MYO7A: variants seen among roughly 807,000 people sequenced by gnomAD.
MYO7A encodes myosin VIIA.
MYO7A carries 210 observed loss-of-function variants against 263.8 expected under a neutral mutation model. That is an observed-to-expected ratio of 0.80 (90% CI 0.71 to 0.89). The LOEUF (loss-of-function observed/expected upper bound fraction) is 0.89. Among genes scored for constraint, MYO7A ranks in the 40% least tolerant of loss-of-function variants. The pLI is 0.00. For synonymous variants in MYO7A, 1,239 were observed against 1,197.3 expected, an observed-to-expected ratio of 1.03 and a Z score of -0.72; for missense variants, 2,820 against 2,968.3, an observed-to-expected ratio of 0.95 and a Z score of 1.16.
rs369125667 is a variant in MYO7A at position 77,142,767 on chromosome 11, C to T, written c.77C>T (p.Ala26Val). Residue 26 changes from alanine (A) to valine (V), a missense_variant, in exon 3 of 49, where the codon GCG (alanine) becomes GTG (valine). Physicochemically the swap from Ala to Val is moderately conservative, Grantham distance 64. Transcript: ENST00000409709. ...CAGGAGTTCGACGTGCCCATCGGGG[C>T]GGTGGTGAAGCTCTGCGACTCTGGG... ...LGQEFDVPIG[A>V]VVKLCDSGQV... The T allele has an allele frequency of 8.1e-6, 13 of 1,612,124 alleles. No individual in the cohort carries two copies. The highest frequency in any genetic ancestry group is 1.0e-5 in the Non-Finnish European group (12 of 1,179,312).
chr11:77,153,773 G>A (rs782140055), intron 4 of MYO7A, among the ~76,000 whole-genome samples: 3 of 152,020 alleles, frequency 2.0e-5, no homozygotes, highest in Non-Finnish European at 4.4e-5. Context: ...CTTGCTACCA[G>A]CGGCTGGGCC....
Position 77,147,840 on chromosome 11 carries a change from A to G in MYO7A, c.175A>G (p.Met59Val), listed in dbSNP as rs975664462. Residue 59 changes from methionine (M) to valine (V), a missense_variant, in exon 4 of 49, where the codon ATG becomes GTG. Met to Val is a conservative substitution (Grantham distance 21). Coordinates refer to ENST00000409709, the MANE Select transcript of MYO7A (RefSeq NM_000260.4). ...SPQNATHIKP[M>V]HPTSVHGVED... is the part of the protein sequence containing the mutation. ...GCAGAACGCAACGCACATCAAGCCT[A>G]TGCACCCCACGTCGGTCCACGGCGT... The G allele has an allele frequency of 1.4e-5, 22 of 1,610,210 alleles. No homozygotes were observed. The highest frequency in any genetic ancestry group is 1.8e-5 in the Non-Finnish European group (21 of 1,178,898).
intron 39 of MYO7A, among the ~76,000 whole-genome samples, chr11:77,205,128 GAAAC>G (rs1957355202): frequency 6.6e-6 from 1 of 152,192 alleles, no homozygotes; most frequent in Non-Finnish European, 1.5e-5. Context: ...TCTTGCTATG[GAAAC>G]AAACAAAAAG....
intron 2 of MYO7A, among the ~76,000 whole-genome samples, chr11:77,140,743 C>T (rs373983905): frequency 1.3e-3 from 198 of 152,288 alleles, no homozygotes; most frequent in South Asian, 2.3e-3. Flanking sequence ...GGGCAGTTTA[C>T]GGGATGCAGC....
intron 2 of MYO7A, among the ~76,000 whole-genome samples, chr11:77,131,925 G>C (rs113066016): frequency 1.3e-4 from 20 of 152,316 alleles, no homozygotes; most frequent in African/African-American, 4.3e-4. Context: ...TTGATGAGTG[G>C]GAGGGCCTTG....
intron 19 of MYO7A, 44 bp downstream of exon 19, chr11:77,177,687 G>C: frequency 6.7e-7 from 1 of 1,503,092 alleles, no homozygotes; most frequent in Non-Finnish European, 9.1e-7. Context: ...CCCACATACA[G>C]GTGTACGTGT....
rs1953077150 is a variant in MYO7A, at chr11:77,162,313, G to C, written c.1537G>C (p.Glu513Gln). ...GAACATCATCTCCCTCATCGATGAG[G>C]AGAGCAAGTTCCCCAAGGTGGGCCG... is the stretch of plus-strand genomic sequence containing the variant. The part of the protein sequence containing the change: ...PMNIISLIDE[E>Q]SKFPKGTDTT... Residue 513 changes from glutamate to glutamine, a missense_variant, in exon 13 of 49, where the codon GAG becomes CAG. By Grantham distance (29) the Glu-to-Gln change is conservative. Transcript: ENST00000409709. 2 of 1,551,770 alleles carry C rather than the reference G, an allele frequency of 1.3e-6. No individual in the cohort carries two copies. Among genetic ancestry groups the C allele is most frequent in the East Asian group, 4.9e-5 (2 of 40,916 alleles).
chr11:77,212,989 T>C lies in MYO7A; in HGVS notation c.6392T>C (p.Ile2131Thr), dbSNP rs1214326316. The change falls in exon 47 of 49, where the codon ATT becomes ACT. Residue 2131 changes from isoleucine (I) to threonine (T), a missense_variant. Coordinates refer to ENST00000409709, the MANE Select transcript of MYO7A (RefSeq NM_000260.4). ...CCAAACTTCCCTGAGATCCTCCTAA[T>C]TGCCATCAACAAGTATGGGGTCAGC... is the stretch of plus-strand genomic sequence containing the variant. ...TEPNFPEILL[I>T]AINKYGVSLI... The C allele has an allele frequency of 1.1e-5, 18 of 1,595,978 alleles. No individual in the cohort carries two copies. Among genetic ancestry groups the C allele is most frequent in the Non-Finnish European group, 1.5e-5 (18 of 1,170,758 alleles).
At chr11:77,202,813 G>C (rs1049780490) in intron 37 of MYO7A, among the ~76,000 whole-genome samples, 1 of 151,992 alleles carries the variant, frequency 6.6e-6, no homozygotes, top group Non-Finnish European at 1.5e-5. Context: ...GGCGCAGGGT[G>C]GTGGGGGAGG....
chr11:77,146,715 G>A (rs369590376), intron 3 of MYO7A, among the ~76,000 whole-genome samples: 11 of 152,234 alleles, frequency 7.2e-5, no homozygotes, highest in African/African-American at 2.6e-4. Context: ...GAGCTGGGAG[G>A]TGGCAGAGAG....
intron 45 of MYO7A, 122 bp from the exon 46 acceptor site, chr11:77,211,699 G>A: frequency 2.8e-6 from 2 of 718,700 alleles, no homozygotes; most frequent in Admixed American, 2.4e-5. Flanking sequence ...TGGCCCTGAG[G>A]GTGCAGACGG....
chr11:77,190,926 G>C, intron 30 of MYO7A, 56 bp downstream of exon 30: 1 of 1,485,930 alleles, frequency 6.7e-7, no homozygotes, highest in Non-Finnish European at 9.0e-7. Flanking sequence ...GCCCCACTCC[G>C]GGCTGCCAGT....
At chr11:77,137,743 A>T (rs972105801) in intron 2 of MYO7A, among the ~76,000 whole-genome samples, 2 of 152,116 alleles carry the variant, frequency 1.3e-5, no homozygotes, top group African/African-American at 4.8e-5. Flanking sequence ...CAGGCCTCCA[A>T]GGCCTCTTCT....
At chr11:77,187,823 C>T (rs544618038) in intron 27 of MYO7A, among the ~76,000 whole-genome samples, 30 of 152,224 alleles carry the variant, frequency 2.0e-4, no homozygotes, top group Non-Finnish European at 3.8e-4. Context: ...GACCAAGCCC[C>T]ACTTTCCTGA....
Position 77,187,492 on chromosome 11 carries a change from A to G in MYO7A, c.3504-1852A>G, listed in dbSNP as rs150012651. 2.5e-4 allele frequency among the ~76,000 whole-genome samples: 38 copies of G among 152,244 alleles called. 1 individual carries two copies. The East Asian group carries it at 7.3e-3, about 29-fold the overall frequency. Reference sequence around the variant, plus strand: ...CTTTGATCATCATCATCCAACATGCATTTCCTGCTTTAACCCCGCTGCCGC... The same window carrying G: ...CTTTGATCATCATCATCCAACATGCGTTTCCTGCTTTAACCCCGCTGCCGC... On this transcript the variant is annotated intron_variant, in intron 27 of 48. Transcript: ENST00000409709.
At chr11:77,157,987 G>T (rs1177154194) in intron 8 of MYO7A, among the ~76,000 whole-genome samples, 1 of 152,188 alleles carries the variant, frequency 6.6e-6, no homozygotes, top group Non-Finnish European at 1.5e-5. Context: ...TGACTGCCAG[G>T]TGGGCAACAG....
chr11:77,214,506 C>T, intron 48 of MYO7A, 101 bp from the exon 49 acceptor site: 2 of 879,444 alleles, frequency 2.3e-6, no homozygotes, highest in Non-Finnish European at 3.7e-6. Context: ...TGCCTTTGTC[C>T]TGGGTTCTGC....
chr11:77,136,699 G>A (rs556393323), intron 2 of MYO7A, among the ~76,000 whole-genome samples: 3 of 152,208 alleles, frequency 2.0e-5, no homozygotes, highest in South Asian at 2.1e-4. Flanking sequence ...TCACGAGCAC[G>A]TGGAAGCAGT....
At position 77,136,020 on chromosome 11, in the gene MYO7A, T is replaced by C. The variant is rs1343376631; in HGVS notation, c.18+5368T>C. ...CTATGCCCACTTTTGAAATGGGTTGTTTGTTTTGTTGTTGTTCAATGTCTT... is the reference window on the plus strand; with the variant it reads ...CTATGCCCACTTTTGAAATGGGTTGCTTGTTTTGTTGTTGTTCAATGTCTT... On this transcript the variant is annotated intron_variant, in intron 2 of 48. Coordinates refer to ENST00000409709, the MANE Select transcript of MYO7A (RefSeq NM_000260.4). 3.9e-5 allele frequency among the ~76,000 whole-genome samples: 6 copies of C among 152,322 alleles called. No individual in the cohort carries two copies. The East Asian group carries it at 1.2e-3, about 29-fold the overall frequency.
Sources: gnomAD v4.1 joint callset for allele counts (sites outside exome capture counted in the v4.1 genomes callset) on GRCh38, gnomAD v4.1.1 for gene constraint, MANE v1.5 for transcripts, NCBI Gene and HGNC (gene_info 2026-07-23, HGNC 2026-07-21) for gene names.